Variants in ACVR1C observed in about 807,000 individuals in gnomAD.
ACVR1C encodes the protein activin receptor type-1C.
Under a neutral mutation model 57.9 loss-of-function variants are expected in ACVR1C, and 23 were observed. That is an observed-to-expected ratio of 0.40 (90% CI 0.29 to 0.56). The LOEUF (loss-of-function observed/expected upper bound fraction) is 0.56, where lower values mean the gene tolerates loss of function less well. ACVR1C is among the 20% of genes least tolerant of loss of function. The pLI, the probability that ACVR1C is intolerant of heterozygous loss-of-function variation, is 0.50. For synonymous variants in ACVR1C, 214 were observed against 215.3 expected, an observed-to-expected ratio of 0.99 and a Z score of 0.05; for missense variants, 480 against 607.9, an observed-to-expected ratio of 0.79 and a Z score of 2.21.
At chr2:157,572,494 C>G (rs1688539662) in intron 2 of ACVR1C, among the ~76,000 whole-genome samples, 1 of 152,090 alleles carries the variant, frequency 6.6e-6, no homozygotes, top group South Asian at 2.1e-4. Flanking sequence ...TGACCTAGCT[C>G]ACATATAGCT....
At chr2:157,543,594 A>G (rs1285911389) in intron 5 of ACVR1C, among the ~76,000 whole-genome samples, 1 of 152,242 alleles carries the variant, frequency 6.6e-6, no homozygotes, top group Non-Finnish European at 1.5e-5. Flanking sequence ...TAAGCTACAT[A>G]CACAAAAACC....
chr2:157,599,855 C>T (rs575328207), intron 1 of ACVR1C, among the ~76,000 whole-genome samples: 2 of 152,092 alleles, frequency 1.3e-5, no homozygotes, highest in South Asian at 4.1e-4. Context: ...GAAAAAACAC[C>T]ACAGGATCCC....
chr2:157,554,205 A>AAGAAAGAAAGAAAGAAAGAAAGAAAGAG (rs1688000736), intron 3 of ACVR1C, among the ~76,000 whole-genome samples: 3 of 68,726 alleles, frequency 4.4e-5, no homozygotes, highest in African/African-American at 2.3e-4. Context: ...AGAAGAGAGA[A>AAGAAAGAAAGAAAGAAAGAAAGAAAGAG]AGAAAGAAAG....
intron 5 of ACVR1C, among the ~76,000 whole-genome samples, chr2:157,544,035 C>CTTTT (rs1217763945): frequency 2.4e-5 from 3 of 124,396 alleles, no homozygotes; most frequent in Non-Finnish European, 3.4e-5. Flanking sequence ...TGTTTCTTTA[C>CTTTT]TTTTTTTTTT....
intron 3 of ACVR1C, among the ~76,000 whole-genome samples, chr2:157,551,790 G>A (rs984913736): frequency 7.9e-5 from 12 of 152,154 alleles, no homozygotes; most frequent in African/African-American, 2.9e-4. Flanking sequence ...ACCCTGTCTT[G>A]CAGGGGCTTT....
At chr2:157,539,028 A>G (rs1687557902) in intron 7 of ACVR1C, among the ~76,000 whole-genome samples, 1 of 149,926 alleles carries the variant, frequency 6.7e-6, no homozygotes, top group Non-Finnish European at 1.5e-5. Flanking sequence ...AATAAATTTT[A>G]TTTTTCTATT....
rs1484346954 is a variant in ACVR1C at position 157,541,177 on chromosome 2, C to A, written c.1138G>T (p.Val380Leu). The A allele has an allele frequency of 6.2e-7, 1 of 1,613,752 alleles. No homozygotes were observed. Among genetic ancestry groups the A allele is most frequent in the South Asian group, 1.1e-5 (1 of 91,062 alleles). ...APEMLDDTMN[V>L]NIFESFKRAD... ...CGTTTGAAGGACTCAAAGATATTCA[C>A]ATTCATTGTATCATCAAGCATTTCA... Residue 380 changes from valine to leucine, a missense_variant, in exon 7 of 9, where the codon GTG becomes TTG. Physicochemically the swap from Val to Leu is conservative, Grantham distance 32. Transcript: ENST00000243349.
chr2:157,555,927 G>A (rs543546691), intron 3 of ACVR1C, among the ~76,000 whole-genome samples, 166 bp downstream of exon 3: 2 of 152,216 alleles, frequency 1.3e-5, no homozygotes, highest in South Asian at 4.2e-4. Flanking sequence ...GGCCACGATG[G>A]TTTTTCTCTT....
chr2:157,581,212 A>G, intron 2 of ACVR1C, among the ~76,000 whole-genome samples: 1 of 152,206 alleles, frequency 6.6e-6, no homozygotes, highest in Non-Finnish European at 1.5e-5. Flanking sequence ...TCACAATAAA[A>G]TAAATCATTA....
chr2:157,586,604 T>C (rs541994501), intron 2 of ACVR1C, among the ~76,000 whole-genome samples: 1 of 152,238 alleles, frequency 6.6e-6, no homozygotes, highest in South Asian at 2.1e-4. Context: ...TCTTATAAAT[T>C]GGGATAAAGC....
In ACVR1C at chr2:157,529,109, G is replaced by T. The variant is rs989950167; in HGVS notation, c.*4809C>A. On this transcript the variant is annotated 3_prime_UTR_variant, in exon 9 of 9. Transcript: ENST00000243349. ...AGAAAAGTTAGATAATATCCCACTG[G>T]ACATAGTCCCAAATTCAGCTATCAA... 4.6e-5 allele frequency: 7 copies of T among 152,054 alleles called. No homozygotes were observed. The highest frequency in any genetic ancestry group is 1.4e-4 in the African/African-American group (6 of 41,424). 9.4% of individuals were successfully genotyped at this position (152,054 alleles called of 1,614,324 possible).
chr2:157,554,217 A>G (rs527658151), intron 3 of ACVR1C, among the ~76,000 whole-genome samples: 120 of 104,406 alleles, frequency 1.1e-3, no homozygotes, highest in African/African-American at 4.8e-3. Flanking sequence ...GAAAGAAAGA[A>G]AGAAAGAAAG....
chr2:157,622,998 A>G (rs2105160198), intron 1 of ACVR1C, among the ~76,000 whole-genome samples: 1 of 152,320 alleles, frequency 6.6e-6, no homozygotes, highest in South Asian at 2.1e-4. Flanking sequence ...GGCAAACAGC[A>G]CATGAAAAGG....
At chr2:157,581,003 T>A (rs891435224) in intron 2 of ACVR1C, among the ~76,000 whole-genome samples, 1 of 152,120 alleles carries the variant, frequency 6.6e-6, no homozygotes, top group Admixed American at 6.5e-5. Context: ...CAAGTGTGTA[T>A]CCCTTACAGG....
intron 1 of ACVR1C, among the ~76,000 whole-genome samples, chr2:157,611,404 C>T (rs1437517837): frequency 4.6e-5 from 7 of 152,064 alleles, no homozygotes; most frequent in African/African-American, 9.7e-5. Flanking sequence ...TCTTTAGGCA[C>T]GAGTGGTGGC....
chr2:157,611,779 G>A lies in ACVR1C; in HGVS notation c.73+16793C>T, dbSNP rs112827187. 5.3e-3 allele frequency among the ~76,000 whole-genome samples: 808 copies of A among 152,280 alleles called. 7 individuals are homozygous for A. The highest frequency in any genetic ancestry group is 0.018 in the African/African-American group (767 of 41,546). ...AGGGAAGTGCACAGATGCCAGAGGT[G>A]GTGAAATGGGCAGGGAGATCCAGAT... On this transcript the variant is annotated intron_variant, in intron 1 of 8. Transcript: ENST00000243349.
chr2:157,597,888 C>A (rs1444223166), intron 1 of ACVR1C, among the ~76,000 whole-genome samples: 1 of 152,132 alleles, frequency 6.6e-6, no homozygotes, highest in African/African-American at 2.4e-5. Flanking sequence ...ATTTGCTAGA[C>A]CGGTATTTAT....
At chr2:157,573,167 G>A (rs914301789) in intron 2 of ACVR1C, among the ~76,000 whole-genome samples, 3 of 151,992 alleles carry the variant, frequency 2.0e-5, no homozygotes, top group Non-Finnish European at 4.4e-5. Flanking sequence ...TAATGTTTTG[G>A]CAGTTTATCT....
At chr2:157,568,146 T>C (rs1267550058) in intron 2 of ACVR1C, among the ~76,000 whole-genome samples, 47 of 100,770 alleles carry the variant, frequency 4.7e-4, no homozygotes, top group Non-Finnish European at 7.8e-4. Flanking sequence ...AAATACTTTA[T>C]AGACAAGCAA....
Sources: allele counts gnomAD v4.1 joint callset (sites outside exome capture counted in the v4.1 genomes callset), GRCh38; gene constraint gnomAD v4.1.1; transcripts MANE v1.5; gene names NCBI Gene and HGNC (gene_info 2026-07-23, HGNC 2026-07-21).